EREG: variants seen among roughly 807,000 people sequenced by gnomAD.
EREG encodes the protein proepiregulin.
Under a neutral mutation model 22.4 loss-of-function variants are expected in EREG, and 23 were observed. The observed-to-expected ratio is 1.03, with a 90% CI of 0.74 to 1.46. EREG has a LOEUF of 1.46. Among genes scored for constraint, EREG ranks in the 40% most tolerant of loss-of-function variants. The pLI is 0.00. For missense variants in EREG, 226 were observed against 205.9 expected (o/e 1.10, Z -0.60); for synonymous variants, 100 against 75.4 (o/e 1.33, Z -1.69).
chr4:74,385,896 C>A lies in EREG; in HGVS notation c.*1088C>A. On this transcript the variant is annotated 3_prime_UTR_variant, in exon 5 of 5. Transcript: ENST00000244869. ...TAAAGTTATGTATTTAAAGTTGTAT[C>A]TTGACACAGGAAATGGGAAAAAACT... The A allele has an allele frequency of 2.5e-6, 1 of 396,658 alleles. No homozygotes were observed. Among genetic ancestry groups the A allele is most frequent in the Non-Finnish European group, 4.4e-6 (1 of 224,886 alleles). The allele number at this position is 396,658 out of a possible 1,614,324, so 24.6% of individuals were successfully genotyped here. A position where few individuals can be genotyped will look rare whatever the true frequency, so the allele number is the denominator to read the frequency against.
intron 1 of EREG, among the ~76,000 whole-genome samples, chr4:74,369,823 A>G (rs1752260174): frequency 6.7e-6 from 1 of 148,734 alleles, no homozygotes; most frequent in African/African-American, 2.5e-5. Flanking sequence ...TTCTCATCCG[A>G]AAAAAAAAAG....
At chr4:74,371,916 C>T (rs1420856350) in intron 1 of EREG, among the ~76,000 whole-genome samples, 1 of 151,870 alleles carries the variant, frequency 6.6e-6, no homozygotes, top group Non-Finnish European at 1.5e-5. Context: ...CTTTCCTTAC[C>T]ACCCTTAGGT....
intron 1 of EREG, among the ~76,000 whole-genome samples, chr4:74,372,710 T>C (rs1752310741): frequency 3.3e-5 from 5 of 151,726 alleles, no homozygotes; most frequent in Admixed American, 3.3e-4. Context: ...CAATACTCTA[T>C]AAATGAAGCT....
At chr4:74,379,561 T>A in intron 2 of EREG, 27 bp downstream of exon 2, 1 of 1,259,370 alleles carries the variant, frequency 7.9e-7, no homozygotes, top group East Asian at 2.3e-5. Flanking sequence ...CAATGTGGCA[T>A]CAAGAGACTA....
At chr4:74,377,177 A>G (rs1448985655) in intron 1 of EREG, among the ~76,000 whole-genome samples, 2 of 151,178 alleles carry the variant, frequency 1.3e-5, no homozygotes, top group African/African-American at 2.4e-5. Flanking sequence ...AAAAAAAAAC[A>G]TTAGTTTATT....
intron 2 of EREG, 43 bp from the exon 3 acceptor site, chr4:74,380,971 A>C (rs1247665092): frequency 6.3e-7 from 1 of 1,593,284 alleles, no homozygotes; most frequent in South Asian, 1.1e-5. Flanking sequence ...AAATTCTTCC[A>C]TGAAGGCTGC....
rs1752561950 is a variant in EREG at position 74,385,923 on chromosome 4, A to T, written c.*1115A>T. On this transcript the variant is annotated 3_prime_UTR_variant, in exon 5 of 5. Coordinates refer to ENST00000244869, the MANE Select transcript of EREG (RefSeq NM_001432.3). ...TGACACAGGAAATGGGAAAAAACTT[A>T]AAAATTAATATGGTGTATTTTTCCA... is the stretch of plus-strand genomic sequence containing the variant. 2.5e-6 allele frequency: 1 copy of T among 395,292 alleles called. No individual in the cohort carries two copies. The highest frequency in any genetic ancestry group is 2.1e-5 in the African/African-American group (1 of 48,552). The allele number at this position is 395,292 out of a possible 1,614,324, so 24.5% of individuals were successfully genotyped here. A position where few individuals can be genotyped will look rare whatever the true frequency, so the allele number is the denominator to read the frequency against.
chr4:74,378,731 A>G (rs1241137151), intron 1 of EREG, among the ~76,000 whole-genome samples: 1 of 152,214 alleles, frequency 6.6e-6, no homozygotes, highest in East Asian at 1.9e-4. Flanking sequence ...ATTCCTACAC[A>G]ATTCAGAAAG....
intron 1 of EREG, among the ~76,000 whole-genome samples, chr4:74,367,759 G>A (rs567414057): frequency 1.3e-5 from 2 of 152,124 alleles, no homozygotes; most frequent in African/African-American, 2.4e-5. Flanking sequence ...GTCAGAAAAC[G>A]TGATGACAGG....
intron 1 of EREG, among the ~76,000 whole-genome samples, chr4:74,378,246 A>G (rs930588673): frequency 2.6e-5 from 4 of 152,164 alleles, no homozygotes; most frequent in African/African-American, 9.7e-5. Flanking sequence ...GCTGCCTATC[A>G]GTCAAGGAGA....
At chr4:74,381,415 A>T (rs998498140) in intron 3 of EREG, 1 of 235,192 alleles carries the variant, frequency 4.3e-6, no homozygotes, top group Admixed American at 5.6e-5. Flanking sequence ...AGAACATGTG[A>T]TAAACAAATG....
chr4:74,372,798 G>A (rs1578817848), intron 1 of EREG, among the ~76,000 whole-genome samples: 1 of 118,896 alleles, frequency 8.4e-6, no homozygotes, highest in East Asian at 2.5e-4. Context: ...AATTTAAATT[G>A]TACTTTTTTT....
At chr4:74,366,649 G>A (rs781050779) in intron 1 of EREG, among the ~76,000 whole-genome samples, 23 of 152,130 alleles carry the variant, frequency 1.5e-4, no homozygotes, top group Admixed American at 2.6e-4. Flanking sequence ...CACATGTAAG[G>A]TTGCATCTGA....
intron 1 of EREG, among the ~76,000 whole-genome samples, chr4:74,369,548 G>A (rs1563825): frequency 0.71 from 107,599 of 151,948 alleles, 38,975 homozygotes; most frequent in Non-Finnish European, 0.78. Context: ...AGTATTCCAT[G>A]GATATATGGA....
chr4:74,384,648 C>G (rs562270930), intron 4 of EREG, 79 bp from the exon 5 acceptor site: 1 of 747,430 alleles, frequency 1.3e-6, no homozygotes, highest in South Asian at 1.7e-5. Flanking sequence ...GCTAATGTGC[C>G]TTTGGAGTCC....
chr4:74,382,797 A>G lies in EREG; in HGVS notation c.428+3A>G, dbSNP rs1314490508. The G allele has an allele frequency of 6.2e-7, 1 of 1,610,034 alleles. No individual in the cohort carries two copies. Among genetic ancestry groups the G allele is most frequent in the Admixed American group, 1.7e-5 (1 of 59,382 alleles). ...TCCACATATTATTTCTGCAGATGGT[A>G]AGTCAGTGTGGTTTTATACTCTGCT... On this transcript the variant is annotated splice_donor_region_variant and intron_variant, in intron 4 of 4. Transcript: ENST00000244869.
intron 3 of EREG, 123 bp downstream of exon 3, chr4:74,381,260 TACCCCTCAAATAGTGTG>T (rs1487113956): frequency 7.5e-6 from 6 of 795,174 alleles, no homozygotes; most frequent in Non-Finnish European, 1.2e-5. Flanking sequence ...TTAGAGTACC[TACCCCTCAAATAGTGTG>T]CATGGAACCC....
chr4:74,378,765 A>G (rs1171521362), intron 1 of EREG, among the ~76,000 whole-genome samples: 1 of 151,306 alleles, frequency 6.6e-6, no homozygotes, highest in Non-Finnish European at 1.5e-5. Context: ...CTTGATATCT[A>G]TGTTCCAAAA....
rs1162574894 is a variant in EREG at position 74,381,184 on chromosome 4, A to C, written c.278+47A>C. 5 of 1,576,332 alleles carry C rather than the reference A, an allele frequency of 3.2e-6. No individual in the cohort carries two copies. The African/African-American group carries it at 6.7e-5, about 21-fold the overall frequency. On this transcript the variant is annotated intron_variant, in intron 3 of 4. Transcript: ENST00000244869. ...AACACAGTTTGTAAAATTTTGTTTT[A>C]TAGATTTAGGGGTACAAGTGCAGAT... is the stretch of plus-strand genomic sequence containing the variant.
Sources: allele counts gnomAD v4.1 joint callset (sites outside exome capture counted in the v4.1 genomes callset), GRCh38; gene constraint gnomAD v4.1.1; transcripts MANE v1.5; gene names NCBI Gene and HGNC (gene_info 2026-07-23, HGNC 2026-07-21).